Variants in PRKG1 observed in about 807,000 individuals in gnomAD.
PRKG1 encodes protein kinase cGMP-dependent 1.
In PRKG1, 35 loss-of-function variants were observed where a neutral mutation model predicts 88.1. That is an observed-to-expected ratio of 0.40 (90% CI 0.30 to 0.53). PRKG1 has a LOEUF of 0.53. PRKG1 is among the 20% of genes least tolerant of loss of function. PRKG1 has a pLI of 0.59. For synonymous variants in PRKG1, 303 were observed against 292.5 expected (o/e 1.04, Z -0.37); for missense variants, 540 against 839.8 (o/e 0.64, Z 4.41).
chr10:52,040,500 A>G (rs534091319), intron 5 of PRKG1, among the ~76,000 whole-genome samples: 7 of 152,316 alleles, frequency 4.6e-5, no homozygotes, highest in African/African-American at 1.2e-4. Flanking sequence ...CTGTTGTCAA[A>G]TGAATAGGTC....
intron 3 of PRKG1, among the ~76,000 whole-genome samples, chr10:51,602,959 T>A (rs1838656760): frequency 6.6e-6 from 1 of 151,826 alleles, no homozygotes; most frequent in Admixed American, 6.6e-5. Context: ...ATGAAATAAT[T>A]CAAGTTTATT....
chr10:51,223,983 T>G (rs948667067), intron 2 of PRKG1, among the ~76,000 whole-genome samples: 6 of 152,154 alleles, frequency 3.9e-5, no homozygotes, highest in Non-Finnish European at 8.8e-5. Context: ...ATAATTCTCT[T>G]CTACATGCCC....
chr10:51,251,777 A>G (rs1839433999), intron 2 of PRKG1, among the ~76,000 whole-genome samples: 1 of 151,778 alleles, frequency 6.6e-6, no homozygotes, highest in Non-Finnish European at 1.5e-5. Flanking sequence ...TAAAAGACAT[A>G]ACTCTACTCA....
At chr10:51,001,077 T>G (rs1842884036) in intron 1 of PRKG1, among the ~76,000 whole-genome samples, 1 of 152,222 alleles carries the variant, frequency 6.6e-6, no homozygotes, top group South Asian at 2.1e-4. Flanking sequence ...ATTGCTCACA[T>G]TAATACATCA....
chr10:51,762,596 A>G (rs905760195), intron 3 of PRKG1, among the ~76,000 whole-genome samples: 3 of 152,246 alleles, frequency 2.0e-5, no homozygotes, highest in African/African-American at 7.2e-5. Flanking sequence ...TATAGCAATG[A>G]TAACAATGAC....
chr10:52,196,249 C>T (rs902623485), intron 9 of PRKG1, among the ~76,000 whole-genome samples: 5 of 152,106 alleles, frequency 3.3e-5, no homozygotes, highest in Non-Finnish European at 5.9e-5. Flanking sequence ...ATCTCCTGAC[C>T]TCATGATCCG....
intron 2 of PRKG1, among the ~76,000 whole-genome samples, chr10:51,259,993 T>C (rs1839662297): frequency 6.6e-6 from 1 of 152,220 alleles, no homozygotes; most frequent in Admixed American, 6.5e-5. Context: ...TTTCTGTACA[T>C]TGGTGTTTTT....
rs72801479 is a variant in PRKG1, at chr10:52,006,051, C to T, written c.763-48433C>T. ...GAACCCACCTTATACCATAATCAAA[C>T]CCCCAAGGGCATCAAATAAGATAAA... On this transcript the variant is annotated intron_variant, in intron 5 of 17. Transcript: ENST00000373980. 3.8e-3 allele frequency among the ~76,000 whole-genome samples: 576 copies of T among 151,468 alleles called. 5 individuals are homozygous for T. Among genetic ancestry groups the T allele is most frequent in the Non-Finnish European group, 4.4e-3 (302 of 67,928 alleles).
intron 3 of PRKG1, among the ~76,000 whole-genome samples, chr10:51,622,481 A>G (rs760648449): frequency 2.2e-4 from 34 of 152,352 alleles, no homozygotes; most frequent in Middle Eastern, 6.8e-3. Context: ...CTATTTGCGC[A>G]TGACCAGTCA....
At chr10:51,841,370 C>T (rs973812229) in intron 4 of PRKG1, among the ~76,000 whole-genome samples, 3 of 151,964 alleles carry the variant, frequency 2.0e-5, no homozygotes, top group African/African-American at 7.2e-5. Context: ...AAAGGAGAAA[C>T]GAAAAATTAT....
intron 5 of PRKG1, among the ~76,000 whole-genome samples, chr10:51,997,662 A>T (rs1844484933): frequency 6.6e-6 from 1 of 152,200 alleles, no homozygotes; most frequent in Non-Finnish European, 1.5e-5. Flanking sequence ...ATGTATTCAT[A>T]CTTCAAAATA....
chr10:51,015,231 T>C (rs998995162), intron 1 of PRKG1, among the ~76,000 whole-genome samples: 6 of 152,374 alleles, frequency 3.9e-5, no homozygotes, highest in Admixed American at 6.5e-5. Context: ...AGTTAATTTT[T>C]TCTCCCAGGC....
chr10:52,083,192 C>T (rs1237603500), intron 7 of PRKG1, among the ~76,000 whole-genome samples: 5 of 151,954 alleles, frequency 3.3e-5, no homozygotes, highest in African/African-American at 1.2e-4. Context: ...TTCTAATTTA[C>T]TTAATTTGAT....
intron 3 of PRKG1, among the ~76,000 whole-genome samples, chr10:51,503,920 T>A (rs1471415201): frequency 6.6e-6 from 1 of 152,132 alleles, no homozygotes. Flanking sequence ...TAATCCAGAA[T>A]TTAGAATTGA....
At chr10:52,082,835 A>G (rs1046986069) in intron 7 of PRKG1, among the ~76,000 whole-genome samples, 1 of 152,160 alleles carries the variant, frequency 6.6e-6, no homozygotes. Context: ...TTTTTAAATA[A>G]CCAATTTCAG....
chr10:51,867,714 G>T (rs996568818), intron 4 of PRKG1, among the ~76,000 whole-genome samples: 1 of 151,994 alleles, frequency 6.6e-6, no homozygotes, highest in Non-Finnish European at 1.5e-5. Context: ...GACAAGAGGG[G>T]GAATTCTAGA....
At chr10:51,463,111 T>A (rs1479328989) in intron 2 of PRKG1, among the ~76,000 whole-genome samples, 1 of 151,998 alleles carries the variant, frequency 6.6e-6, no homozygotes, top group Non-Finnish European at 1.5e-5. Context: ...GAAAAAGGAG[T>A]CTTTGATTTG....
intron 4 of PRKG1, among the ~76,000 whole-genome samples, chr10:51,878,225 C>T (rs1841347803): frequency 7.3e-6 from 1 of 137,300 alleles, no homozygotes; most frequent in Non-Finnish European, 1.5e-5. Context: ...TGTGTGTGTG[C>T]ATGTATGTAT....
chr10:51,074,958 G>T, intron 1 of PRKG1, 57 bp downstream of exon 1: 1 of 1,511,162 alleles, frequency 6.6e-7, no homozygotes, highest in Non-Finnish European at 8.9e-7. Flanking sequence ...GGAGCTGCGG[G>T]TCTCTGTATT....
Sources: allele counts gnomAD v4.1 joint callset (sites outside exome capture counted in the v4.1 genomes callset), GRCh38; gene constraint gnomAD v4.1.1; transcripts MANE v1.5; gene names NCBI Gene and HGNC (gene_info 2026-07-23, HGNC 2026-07-21).